The following ESRRG variants were observed in gnomAD, a reference collection of about 807,000 sequenced individuals.
ESRRG encodes estrogen related receptor gamma, also known as estrogen-related receptor gamma.
ESRRG carries 13 observed loss-of-function variants against 44.0 expected under a neutral mutation model. That is an observed-to-expected ratio of 0.30 (90% confidence interval 0.19 to 0.47). The LOEUF (loss-of-function observed/expected upper bound fraction) is 0.47. ESRRG is among the 20% of genes least tolerant of loss of function. The pLI is 1.00. For synonymous variants in ESRRG, 215 were observed against 214.6 expected (o/e 1.00, Z -0.02); for missense variants, 395 against 580.6 (o/e 0.68, Z 3.29).
chr1:216,949,278 A>C (rs183618009), intron 1 of ESRRG, among the ~76,000 whole-genome samples: 2 of 152,332 alleles, frequency 1.3e-5, no homozygotes, highest in Non-Finnish European at 2.9e-5. Context: ...ATCTGCAAAC[A>C]TGCAAAGGCA....
chr1:216,985,721 C>T (rs867409), intron 1 of ESRRG: 25,167 of 152,080 alleles, frequency 0.17, 2,793 homozygotes, highest in Admixed American at 0.29. Flanking sequence ...CTGTTGGTAG[C>T]AAAACTCTTA....
chr1:216,554,005 G>T (rs1028444062), intron 5 of ESRRG, among the ~76,000 whole-genome samples: 3 of 152,150 alleles, frequency 2.0e-5, no homozygotes, highest in Admixed American at 6.5e-5. Context: ...TGTTGCCAAT[G>T]AGTGATTTTG....
At chr1:216,652,180 G>A (rs1418889429) in intron 2 of ESRRG, among the ~76,000 whole-genome samples, 1 of 152,120 alleles carries the variant, frequency 6.6e-6, no homozygotes, top group Admixed American at 6.6e-5. Flanking sequence ...GAGCATAATT[G>A]CAATTTTGCT....
chr1:216,757,984 A>T (rs917104674), intron 2 of ESRRG, among the ~76,000 whole-genome samples: 40 of 152,092 alleles, frequency 2.6e-4, no homozygotes, highest in African/African-American at 9.7e-4. Context: ...ACAAATAAAC[A>T]GCATTAAAAA....
At chr1:216,949,732 G>C (rs1342234652) in intron 1 of ESRRG, among the ~76,000 whole-genome samples, 2 of 151,816 alleles carry the variant, frequency 1.3e-5, no homozygotes, top group Admixed American at 1.3e-4. Flanking sequence ...AATTATAAAC[G>C]AACCAAAAAT....
chr1:216,715,441 T>C (rs1031218531), intron 1 of ESRRG, among the ~76,000 whole-genome samples: 4 of 152,136 alleles, frequency 2.6e-5, no homozygotes, highest in Non-Finnish European at 1.5e-5. Flanking sequence ...GATTAATGGC[T>C]GAAAAGAAAT....
chr1:216,991,436 T>C (rs1450055096), intron 1 of ESRRG, among the ~76,000 whole-genome samples: 1 of 152,130 alleles, frequency 6.6e-6, no homozygotes, highest in East Asian at 1.9e-4. Context: ...TCGGCATATA[T>C]TCATTGGGAG....
At chr1:216,919,673 A>G (rs992204155) in intron 2 of ESRRG, among the ~76,000 whole-genome samples, 1 of 152,228 alleles carries the variant, frequency 6.6e-6, no homozygotes, top group African/African-American at 2.4e-5. Flanking sequence ...AAAAACTTGC[A>G]TTGCATATCC....
chr1:216,721,432 A>G lies in ESRRG; in HGVS notation c.56+1812T>C, dbSNP rs2086252473. ...TAGCGTTAGATCTTTCTGTCTGTCC[A>G]GTGAACCACGTAACCATCAGAACTG... is the stretch of plus-strand genomic sequence containing the variant. On this transcript the variant is annotated intron_variant, in intron 1 of 6. Transcript: ENST00000408911. Among the ~76,000 whole-genome samples the G allele has an allele frequency of 3.9e-5, 6 of 152,256 alleles. No homozygotes were observed. In the South Asian group the frequency reaches 1.2e-3, roughly 31 times the overall value.
rs193285868 is a variant in ESRRG, at chr1:216,614,665, G to T, written c.589+36308C>A. Reference sequence around the variant, plus strand: ...ATACAGTCTTGTCAGTTCTAGTGCAGGGGGAAGTGTTCCTGTTGAGAAGAG... The same window carrying T: ...ATACAGTCTTGTCAGTTCTAGTGCATGGGGAAGTGTTCCTGTTGAGAAGAG... On this transcript the variant is annotated intron_variant, in intron 3 of 6. Transcript: ENST00000408911. Among the ~76,000 whole-genome samples, 5 of 152,286 alleles carry T rather than the reference G, an allele frequency of 3.3e-5. No homozygotes were observed. The East Asian group carries it at 9.6e-4, about 29-fold the overall frequency.
intron 2 of ESRRG, among the ~76,000 whole-genome samples, chr1:216,666,642 T>C (rs12117613): frequency 0.21 from 31,573 of 152,134 alleles, 4,202 homozygotes; most frequent in Non-Finnish European, 0.3. Flanking sequence ...AAACAAATAG[T>C]CATCAGATAA....
chr1:216,641,767 T>C (rs1427921111), intron 3 of ESRRG, among the ~76,000 whole-genome samples: 3 of 152,254 alleles, frequency 2.0e-5, no homozygotes, highest in African/African-American at 7.2e-5. Flanking sequence ...TTTGTAACTG[T>C]TAAGTTATTC....
intron 1 of ESRRG, among the ~76,000 whole-genome samples, chr1:216,712,697 A>G (rs904710316): frequency 2.0e-5 from 3 of 152,186 alleles, no homozygotes; most frequent in Non-Finnish European, 4.4e-5. Context: ...TTAAACCATT[A>G]CATTTCCAGT....
chr1:216,529,403 G>A (rs1402083231), intron 5 of ESRRG, among the ~76,000 whole-genome samples: 1 of 152,004 alleles, frequency 6.6e-6, no homozygotes, highest in African/African-American at 2.4e-5. Context: ...GATATGAGGA[G>A]AAACACAAGC....
chr1:217,101,092 T>C (rs1364671519), intron 1 of ESRRG, among the ~76,000 whole-genome samples: 1 of 152,232 alleles, frequency 6.6e-6, no homozygotes, highest in Admixed American at 6.5e-5. Flanking sequence ...GCCTAAAACA[T>C]GCCTCTATGA....
chr1:216,854,861 G>A (rs973366217), intron 2 of ESRRG, among the ~76,000 whole-genome samples: 1 of 152,072 alleles, frequency 6.6e-6, no homozygotes, highest in African/African-American at 2.4e-5. Context: ...GCTGAGGTAA[G>A]CAAGCACTTA....
chr1:216,532,246 G>A (rs1451332894), intron 5 of ESRRG, among the ~76,000 whole-genome samples: 1 of 152,074 alleles, frequency 6.6e-6, no homozygotes, highest in Non-Finnish European at 1.5e-5. Context: ...TACCCAAGCA[G>A]CTGGTTAAGA....
At chr1:216,754,865 T>C (rs1213619243) in intron 2 of ESRRG, among the ~76,000 whole-genome samples, 1 of 151,866 alleles carries the variant, frequency 6.6e-6, no homozygotes, top group Admixed American at 6.6e-5. Flanking sequence ...TAATGGATAA[T>C]TGAGAACTGA....
chr1:216,960,509 A>T (rs1242098247), intron 1 of ESRRG, among the ~76,000 whole-genome samples: 1 of 152,168 alleles, frequency 6.6e-6, no homozygotes, highest in African/African-American at 2.4e-5. Context: ...AGATGGTATC[A>T]TACTATCTAT....
Sources: gnomAD v4.1 joint callset for allele counts (sites outside exome capture counted in the v4.1 genomes callset) on GRCh38, gnomAD v4.1.1 for gene constraint, MANE v1.5 for transcripts, NCBI Gene and HGNC (gene_info 2026-07-23, HGNC 2026-07-21) for gene names.